The following CTNNA2 variants were observed in gnomAD, a reference collection of about 807,000 sequenced individuals.
CTNNA2 encodes catenin alpha-2.
A neutral mutation model predicts 101.0 loss-of-function variants in CTNNA2; 42 were observed. The observed-to-expected ratio is 0.42, with a 90% CI of 0.32 to 0.54. The LOEUF (loss-of-function observed/expected upper bound fraction) is 0.54, where lower values mean the gene tolerates loss of function less well. Among genes scored for constraint, CTNNA2 ranks in the 20% least tolerant of loss-of-function variants. The pLI is 0.14. For missense variants in CTNNA2, 871 were observed against 1,223.1 expected (o/e 0.71, Z 4.29); for synonymous variants, 450 against 456.4 (o/e 0.99, Z 0.18).
At chr2:79,865,591 C>T (rs1682012428) in intron 4 of CTNNA2, among the ~76,000 whole-genome samples, 1 of 152,202 alleles carries the variant, frequency 6.6e-6, no homozygotes, top group South Asian at 2.1e-4. Context: ...GGAACCAGAA[C>T]ACACAGTGCA....
At chr2:79,449,526 T>C (rs1678866779) in intron 4 of CTNNA2, among the ~76,000 whole-genome samples, 1 of 152,036 alleles carries the variant, frequency 6.6e-6, no homozygotes, top group East Asian at 1.9e-4. Flanking sequence ...GAGGAATATA[T>C]TGGCACATAG....
Position 80,618,084 on chromosome 2 carries a change from T to C in CTNNA2, c.2431-1001T>C, listed in dbSNP as rs113418920. 5.5e-3 allele frequency among the ~76,000 whole-genome samples: 840 copies of C among 152,014 alleles called. 5 individuals are homozygous for C. The highest frequency in any genetic ancestry group is 0.019 in the African/African-American group (774 of 41,530). On this transcript the variant is annotated intron_variant, in intron 17 of 18. Transcript: ENST00000402739. ...CCATAATCAATAACTTTGAGTATTC[T>C]ATTTTAAACTCCTAAATTTTCATTG...
intron 9 of CTNNA2, among the ~76,000 whole-genome samples, chr2:80,440,876 A>G (rs1682500268): frequency 6.6e-6 from 1 of 152,198 alleles, no homozygotes; most frequent in African/African-American, 2.4e-5. Context: ...ATGGCTTAAG[A>G]TAGCATAGAC....
chr2:79,336,053 A>G (rs1676987290), intron 3 of CTNNA2, among the ~76,000 whole-genome samples: 1 of 152,240 alleles, frequency 6.6e-6, no homozygotes, highest in Non-Finnish European at 1.5e-5. Flanking sequence ...CAGCATCTGA[A>G]AGATGAGAGA....
chr2:80,488,767 A>G (rs1443570375), intron 9 of CTNNA2, among the ~76,000 whole-genome samples: 1 of 152,228 alleles, frequency 6.6e-6, no homozygotes, highest in Non-Finnish European at 1.5e-5. Flanking sequence ...CCCAGGTTGT[A>G]TTTGTACAAA....
rs368303571 is a variant in CTNNA2, at chr2:79,980,379, C to G, written c.1056+70582C>G. On this transcript the variant is annotated intron_variant, in intron 7 of 18. Transcript: ENST00000402739. The stretch of plus-strand genomic sequence containing the variant: ...TTCTTTTGAAGGCTCAGAAAAGAAA[C>G]AGGGCTATGACATTGATTAGTACTG... 2.2e-4 allele frequency among the ~76,000 whole-genome samples: 34 copies of G among 152,160 alleles called. No individual in the cohort carries two copies. The East Asian group carries it at 3.5e-3, about 16-fold the overall frequency.
intron 7 of CTNNA2, among the ~76,000 whole-genome samples, chr2:80,180,333 C>T (rs573593413): frequency 1.2e-4 from 19 of 152,286 alleles, no homozygotes; most frequent in African/African-American, 3.8e-4. Context: ...TTTGTTCACT[C>T]GACCTGGCAG....
At chr2:79,405,112 A>G (rs1678327575) in intron 4 of CTNNA2, among the ~76,000 whole-genome samples, 1 of 152,054 alleles carries the variant, frequency 6.6e-6, no homozygotes, top group South Asian at 2.1e-4. Flanking sequence ...AAGGGAAATT[A>G]TCCTATGTGG....
chr2:80,466,375 T>C (rs142107980), intron 9 of CTNNA2, among the ~76,000 whole-genome samples: 213 of 152,308 alleles, frequency 1.4e-3, no homozygotes, highest in African/African-American at 4.9e-3. Flanking sequence ...TCTTCTTTCC[T>C]TGATTTTATG....
At chr2:79,814,539 A>T (rs945438629) in intron 3 of CTNNA2, among the ~76,000 whole-genome samples, 2 of 151,870 alleles carry the variant, frequency 1.3e-5, no homozygotes, top group African/African-American at 4.8e-5. Context: ...AATTTCTTCC[A>T]GCTCACTGCA....
chr2:79,233,957 T>C (rs1236548453), intron 2 of CTNNA2, among the ~76,000 whole-genome samples: 1 of 150,660 alleles, frequency 6.6e-6, no homozygotes, highest in Non-Finnish European at 1.5e-5. Context: ...ATGCATCTCA[T>C]GAAAAGAGTA....
At chr2:79,562,832 G>A (rs1674862647) in intron 1 of CTNNA2, among the ~76,000 whole-genome samples, 1 of 151,878 alleles carries the variant, frequency 6.6e-6, no homozygotes, top group Non-Finnish European at 1.5e-5. Flanking sequence ...ATAAATTGGA[G>A]TTAGATGTTA....
At chr2:80,116,901 T>TTGTGTGTG (rs1207841841) in intron 7 of CTNNA2, among the ~76,000 whole-genome samples, 2 of 76,462 alleles carry the variant, frequency 2.6e-5, no homozygotes, top group African/African-American at 8.6e-5. Flanking sequence ...TAGAAGAAAA[T>TTGTGTGTG]AGTGTGTGTG....
chr2:80,302,856 C>A lies in CTNNA2; in HGVS notation c.1057-90355C>A. 3 of 1,614,150 alleles carry A rather than the reference C, an allele frequency of 1.9e-6. No homozygotes were observed. Among genetic ancestry groups the A allele is most frequent in the Non-Finnish European group, 2.5e-6 (3 of 1,180,036 alleles). On this transcript the variant is annotated intron_variant, in intron 7 of 18. Coordinates refer to ENST00000402739, the MANE Select transcript of CTNNA2 (RefSeq NM_001282597.3). The surrounding 1 kb of genome is among the most constrained non-coding windows in gnomAD (Gnocchi z 6.4). ...TTGAGCCACGAGGCTAGGGCACACA[C>A]GTTGCGCCCGCAATCCCACAGGTTC...
At chr2:80,294,794 A>G (rs1675597778) in intron 7 of CTNNA2, among the ~76,000 whole-genome samples, 1 of 152,170 alleles carries the variant, frequency 6.6e-6, no homozygotes, top group Non-Finnish European at 1.5e-5. Flanking sequence ...GCACTCTGCT[A>G]GCTGAGCAAT....
chr2:79,333,707 C>T (rs755047605), intron 3 of CTNNA2, among the ~76,000 whole-genome samples: 1 of 152,026 alleles, frequency 6.6e-6, no homozygotes, highest in Non-Finnish European at 1.5e-5. Context: ...TTTATCAATA[C>T]AGAAAAGAAC....
At chr2:80,345,910 A>G (rs1672692493) in intron 7 of CTNNA2, among the ~76,000 whole-genome samples, 1 of 152,108 alleles carries the variant, frequency 6.6e-6, no homozygotes, top group African/African-American at 2.4e-5. Flanking sequence ...GCCAAACTCT[A>G]CTATTGTCTG....
intron 7 of CTNNA2, among the ~76,000 whole-genome samples, chr2:80,200,662 A>G (rs1440130459): frequency 2.6e-5 from 4 of 151,948 alleles, no homozygotes; most frequent in African/African-American, 9.7e-5. Flanking sequence ...TAGCCTCCTG[A>G]GTAGCTGGGA....
intron 1 of CTNNA2, among the ~76,000 whole-genome samples, chr2:79,534,357 G>A (rs1459766060): frequency 6.6e-6 from 1 of 152,076 alleles, no homozygotes; most frequent in Non-Finnish European, 1.5e-5. Flanking sequence ...GATCCTAAGA[G>A]TATAGATACC....
Sources: gnomAD v4.1 joint callset for allele counts (sites outside exome capture counted in the v4.1 genomes callset) on GRCh38, gnomAD v4.1.1 for gene constraint, Gnocchi (gnomAD v3.1) non-coding constraint, MANE v1.5 for transcripts, NCBI Gene and HGNC (gene_info 2026-07-23, HGNC 2026-07-21) for gene names.